RIMBP2: variants seen among roughly 807,000 people sequenced by gnomAD.
RIMBP2 encodes the protein RIMS binding protein 2.
RIMBP2 carries 48 observed loss-of-function variants against 118.6 expected under a neutral mutation model. The ratio of observed to expected loss-of-function variants is 0.40; its 90% CI spans 0.32 to 0.51. The LOEUF (loss-of-function observed/expected upper bound fraction) is 0.51, where lower values mean the gene tolerates loss of function less well. Ranked by LOEUF, RIMBP2 falls within the 20% of genes least tolerant of loss-of-function variation. RIMBP2 has a pLI of 0.41. For missense variants in RIMBP2, 1,551 were observed against 1,768.3 expected, an observed-to-expected ratio of 0.88 and a Z score of 2.20; for synonymous variants, 762 against 742.9, an observed-to-expected ratio of 1.03 and a Z score of -0.42.
Position 130,424,998 on chromosome 12 carries a change from C to A in RIMBP2, c.2413-140G>T. ...GGGGGAAGCATGCGTCTACTCAGGC[C>A]GGGGGCATGCCGTGGAGGGCTCTGC... On this transcript the variant is annotated intron_variant, in intron 15 of 22. Coordinates refer to ENST00000690449, the MANE Select transcript of RIMBP2 (RefSeq NM_001393629.1). The surrounding 1 kb of genome is among the most constrained non-coding windows in gnomAD (Gnocchi z 9.8). 2.2e-6 allele frequency: 1 copy of A among 445,222 alleles called. No individual in the cohort carries two copies. Among genetic ancestry groups the A allele is most frequent in the Non-Finnish European group, 3.7e-6 (1 of 271,200 alleles). The allele number at this position is 445,222 out of a possible 1,614,324, so 27.6% of individuals were successfully genotyped here. A position where few individuals can be genotyped will look rare whatever the true frequency, so the allele number is the denominator to read the frequency against.
At chr12:130,652,343 T>TAAA (rs2063262220) in intron 1 of RIMBP2, among the ~76,000 whole-genome samples, 1 of 152,222 alleles carries the variant, frequency 6.6e-6, no homozygotes, top group African/African-American at 2.4e-5. Flanking sequence ...AAAGACTTTC[T>TAAA]AGCCTGCAAA....
chr12:130,561,987 A>G (rs945012427), intron 2 of RIMBP2, among the ~76,000 whole-genome samples: 6 of 152,222 alleles, frequency 3.9e-5, no homozygotes, highest in African/African-American at 1.4e-4. Context: ...AAAAGTGCAG[A>G]AAAAATGACG....
chr12:130,669,316 C>T (rs7295736), intron 1 of RIMBP2: 36,927 of 152,132 alleles, frequency 0.24, 4,883 homozygotes, highest in Non-Finnish European at 0.31. Context: ...GTAGCTTGCA[C>T]TAACAAGATA....
chr12:130,629,237 G>A (rs73156999), intron 1 of RIMBP2, among the ~76,000 whole-genome samples: 3 of 152,362 alleles, frequency 2.0e-5, no homozygotes, highest in East Asian at 1.9e-4. Context: ...TAAAAAGCAA[G>A]TGAGGCTTTA....
intron 2 of RIMBP2, among the ~76,000 whole-genome samples, chr12:130,599,843 G>A (rs982308675): frequency 1.3e-5 from 2 of 151,874 alleles, no homozygotes; most frequent in Non-Finnish European, 2.9e-5. Flanking sequence ...TAATTCTTGG[G>A]GCCCCCAAAT....
chr12:130,454,210 C>T (rs2079226835), intron 7 of RIMBP2, among the ~76,000 whole-genome samples: 1 of 152,182 alleles, frequency 6.6e-6, no homozygotes. Flanking sequence ...GTGATTATTT[C>T]ACAATTGATT....
chr12:130,644,981 C>T (rs576909256), intron 1 of RIMBP2, among the ~76,000 whole-genome samples: 7 of 152,342 alleles, frequency 4.6e-5, no homozygotes, highest in African/African-American at 1.7e-4. Context: ...GTCTCTCAAA[C>T]TGTGAAATAC....
At chr12:130,493,317 G>A (rs145474372) in intron 4 of RIMBP2, among the ~76,000 whole-genome samples, 172 of 151,678 alleles carry the variant, frequency 1.1e-3, no homozygotes, top group African/African-American at 3.8e-3. Flanking sequence ...CTTTTTGTTC[G>A]TTTTGTTTTG....
intron 19 of RIMBP2, among the ~76,000 whole-genome samples, chr12:130,409,986 C>T (rs1055543600): frequency 2.6e-4 from 39 of 152,320 alleles, no homozygotes; most frequent in African/African-American, 8.4e-4. Context: ...TTTTGCAGAG[C>T]GGTGATGCCA....
intron 1 of RIMBP2, among the ~76,000 whole-genome samples, chr12:130,685,863 G>A (rs2065016611): frequency 6.6e-6 from 1 of 152,146 alleles, no homozygotes; most frequent in Non-Finnish European, 1.5e-5. Flanking sequence ...CGTGTCCGCT[G>A]GTGGACCAGA....
At chr12:130,537,624 A>T (rs902322238) in intron 2 of RIMBP2, among the ~76,000 whole-genome samples, 1 of 152,230 alleles carries the variant, frequency 6.6e-6, no homozygotes, top group Non-Finnish European at 1.5e-5. Context: ...GGTGCATATT[A>T]GAAGGAAAAC....
chr12:130,409,331 GCT>G (rs2075478870), intron 19 of RIMBP2, among the ~76,000 whole-genome samples: 6 of 109,354 alleles, frequency 5.5e-5, no homozygotes, highest in Non-Finnish European at 7.6e-5. Context: ...ACAAAATGTA[GCT>G]TTTTTTTTTT....
chr12:130,412,714 T>C lies in RIMBP2; in HGVS notation c.3494A>G (p.Asn1165Ser). The C allele has an allele frequency of 1.2e-6, 2 of 1,613,784 alleles. No individual in the cohort carries two copies. Among genetic ancestry groups the C allele is most frequent in the Non-Finnish European group, 1.7e-6 (2 of 1,179,918 alleles). ...ATCTGCTTGTATCTCAGAGACCATG[T>C]TACAAGGAATAAGGCCAAGCCGGGC... ...TCARLGLIPC[N>S]MVSEIQADDE... is the part of the protein sequence containing the mutation. The change falls in exon 19 of 23, where the codon AAC (asparagine) becomes AGC (serine). Residue 1165 changes from asparagine (N) to serine (S), a missense_variant. Physicochemically the swap from Asn to Ser is conservative, Grantham distance 46. Transcript: ENST00000690449.
intron 3 of RIMBP2, 117 bp from the exon 4 acceptor site, chr12:130,506,887 C>T: frequency 1.3e-6 from 1 of 772,214 alleles, no homozygotes; most frequent in Non-Finnish European, 1.6e-6. Context: ...TCCTTCCCTC[C>T]CTCCTTCTCC....
intron 1 of RIMBP2, among the ~76,000 whole-genome samples, chr12:130,693,351 C>T (rs1300872928): frequency 6.6e-6 from 1 of 152,210 alleles, no homozygotes; most frequent in Non-Finnish European, 1.5e-5. Flanking sequence ...TCTGGGTATA[C>T]ACACACTTGC....
At chr12:130,559,681 G>A (rs960019097) in intron 2 of RIMBP2, among the ~76,000 whole-genome samples, 2 of 152,198 alleles carry the variant, frequency 1.3e-5, no homozygotes, top group South Asian at 2.1e-4. Context: ...ACTGACAGGC[G>A]TACCTAATTC....
intron 2 of RIMBP2, among the ~76,000 whole-genome samples, chr12:130,522,073 T>C (rs2052190776): frequency 6.6e-6 from 1 of 152,202 alleles, no homozygotes; most frequent in South Asian, 2.1e-4. Context: ...GGATTGGATG[T>C]GAGGACTCCT....
At position 130,414,121 on chromosome 12, in the gene RIMBP2, G is replaced by A. The variant is rs201777285; in HGVS notation, c.3420+4C>T. 1,175 of 1,613,960 alleles carry A rather than the reference G, an allele frequency of 7.3e-4. 11 individuals carry two copies. In the African/African-American group the frequency reaches 0.014, roughly 19 times the overall value. Reference sequence around the variant, plus strand: ...GAAGCCGCCCGCAGGCAGCCATCCCGCACCTTGATGATCTGGCCTTCTTTA... The same window carrying A: ...GAAGCCGCCCGCAGGCAGCCATCCCACACCTTGATGATCTGGCCTTCTTTA... On this transcript the variant is annotated splice_donor_region_variant and intron_variant, in intron 18 of 22. Coordinates refer to ENST00000690449, the MANE Select transcript of RIMBP2 (RefSeq NM_001393629.1).
chr12:130,461,339 A>G lies in RIMBP2; in HGVS notation c.154-4639T>C, dbSNP rs551335227. 5.3e-5 allele frequency among the ~76,000 whole-genome samples: 8 copies of G among 152,294 alleles called. No homozygotes were observed. The East Asian group carries it at 1.5e-3, about 29-fold the overall frequency. ...CTGCACGCAGACTGGCAGGGGTGCC[A>G]GCAGGGGCAGGGGCAGGGTAGACCT... On this transcript the variant is annotated intron_variant, in intron 6 of 22. Transcript: ENST00000690449.
Sources: gnomAD v4.1 joint callset for allele counts (sites outside exome capture counted in the v4.1 genomes callset) on GRCh38, gnomAD v4.1.1 for gene constraint, Gnocchi (gnomAD v3.1) non-coding constraint, MANE v1.5 for transcripts, NCBI Gene and HGNC (gene_info 2026-07-23, HGNC 2026-07-21) for gene names.